SIRT6: variants seen among roughly 807,000 people sequenced by gnomAD.
SIRT6 encodes the protein NAD-dependent protein deacylase sirtuin-6.
SIRT6 carries 21 observed loss-of-function variants against 33.6 expected under a neutral mutation model. That is an observed-to-expected ratio of 0.62 (90% CI 0.44 to 0.90). SIRT6 has a LOEUF of 0.90. SIRT6 is among the 40% of genes least tolerant of loss of function. The pLI, the probability that SIRT6 is intolerant of heterozygous loss-of-function variation, is 0.00. For synonymous variants in SIRT6, 221 were observed against 223.9 expected (o/e 0.99, Z 0.12); for missense variants, 504 against 510.6 (o/e 0.99, Z 0.12).
At chr19:4,181,857 C>T (rs2145185903) in intron 1 of SIRT6, among the ~76,000 whole-genome samples, 1 of 152,212 alleles carries the variant, frequency 6.6e-6, no homozygotes, top group South Asian at 2.1e-4. Context: ...TCTGGACGGG[C>T]GCACACCATC....
intron 4 of SIRT6, 67 bp downstream of exon 4, chr19:4,177,012 G>A: frequency 1.4e-6 from 2 of 1,425,070 alleles, no homozygotes; most frequent in Non-Finnish European, 1.9e-6. Flanking sequence ...TGGGTCTCTG[G>A]GACATCGGAT....
rs757165657 is a variant in SIRT6, at chr19:4,175,841, C to T, written c.533+1G>A. Reference sequence around the variant, plus strand: ...CCAGGGCATGGGTGGGGGTGGCTCACCTGCAGGCTCGCAGCCCCCTTGCCT... The same window carrying T: ...CCAGGGCATGGGTGGGGGTGGCTCATCTGCAGGCTCGCAGCCCCCTTGCCT... On this transcript the variant is annotated splice_donor_variant, in intron 5 of 7. Transcript: ENST00000337491. LOFTEE classifies it high-confidence loss of function. The T allele has an allele frequency of 1.3e-6, 2 of 1,557,548 alleles. No individual in the cohort carries two copies. The highest frequency in any genetic ancestry group is 8.7e-7 in the Non-Finnish European group (1 of 1,150,710).
chr19:4,177,031 C>A (rs1339378347), intron 4 of SIRT6, 48 bp downstream of exon 4: 1 of 1,560,378 alleles, frequency 6.4e-7, no homozygotes, highest in South Asian at 1.1e-5. Context: ...ATTCGACCCC[C>A]AACCCCCTCT....
In SIRT6 at chr19:4,174,483, G is replaced by A. The variant is rs1253746175; in HGVS notation, c.*134C>T. On this transcript the variant is annotated 3_prime_UTR_variant, in exon 8 of 8. Coordinates refer to ENST00000337491, the MANE Select transcript of SIRT6 (RefSeq NM_016539.4). This position sits in a 1 kb window ranked among gnomAD's most constrained non-coding sequence, Gnocchi z 4.2. ...CAGGGAGGGACCACGGAGGGCAGGT[G>A]TAACCCCTGGCCTGGAGCACAGCTC... The A allele has an allele frequency of 2.4e-6, 2 of 839,814 alleles. No individual in the cohort carries two copies. The highest frequency in any genetic ancestry group is 7.4e-5 in the Admixed American group (2 of 27,200). 52.0% of individuals were successfully genotyped at this position (839,814 alleles called of 1,614,324 possible). A position where few individuals can be genotyped will look rare whatever the true frequency, so the allele number is the denominator to read the frequency against.
At position 4,175,934 on chromosome 19, in the gene SIRT6, C is replaced by T; in HGVS notation, c.441G>A (p.Gln147=). ...FVEECAKCKT[Q]YVRDTVVGTM... is the part of the protein sequence containing the mutation. ...TGCCCACGACTGTGTCTCGGACGTA[C>T]TGCCTGTGTCAGGGAGGAAGGGGGA... The change falls in exon 5 of 8, where the codon CAG becomes CAA. Residue 147 remains glutamine, a synonymous_variant. Transcript: ENST00000337491. 6.4e-7 allele frequency: 1 copy of T among 1,564,096 alleles called. No homozygotes were observed. The highest frequency in any genetic ancestry group is 8.7e-7 in the Non-Finnish European group (1 of 1,154,434).
At position 4,174,770 on chromosome 19, in the gene SIRT6, G is replaced by A. The variant is rs1337701097; in HGVS notation, c.915C>T (p.Thr305=). The stretch of plus-strand genomic sequence containing the variant: ...CGGCGGGGATAGAGCCGTTGATCCG[G>A]GTGGGAGATTCCTCCTTGGGCTCCA... The part of the protein sequence containing the change: ...PKLEPKEESP[T]RINGSIPAGP... The change falls in exon 8 of 8, where the codon ACC becomes ACT. Residue 305 remains threonine, a synonymous_variant. Coordinates refer to ENST00000337491, the MANE Select transcript of SIRT6 (RefSeq NM_016539.4). The surrounding 1 kb of genome is among the most constrained non-coding windows in gnomAD (Gnocchi z 4.2). 13 of 1,495,476 alleles carry A rather than the reference G, an allele frequency of 8.7e-6. No homozygotes were observed. Among genetic ancestry groups the A allele is most frequent in the Non-Finnish European group, 1.1e-5 (12 of 1,124,736 alleles). The allele number at this position is 1,495,476 out of a possible 1,614,324, so 92.6% of individuals were successfully genotyped here.
intron 1 of SIRT6, 45 bp from the exon 2 acceptor site, chr19:4,180,954 A>G (rs755513849): frequency 1.9e-6 from 3 of 1,557,034 alleles, no homozygotes; most frequent in Non-Finnish European, 2.6e-6. Flanking sequence ...CAGTTCCCCC[A>G]AGTGGCAAGG....
intron 4 of SIRT6, 43 bp downstream of exon 4, chr19:4,177,036 C>G (rs759765365): frequency 1.3e-6 from 2 of 1,576,082 alleles, no homozygotes; most frequent in Non-Finnish European, 1.7e-6. Flanking sequence ...ACCCCCAACC[C>G]CCTCTGGCAG....
intron 3 of SIRT6, among the ~76,000 whole-genome samples, chr19:4,178,425 C>T (rs950300479): frequency 1.3e-5 from 2 of 152,170 alleles, no homozygotes; most frequent in African/African-American, 2.4e-5. Flanking sequence ...TCATTGGTTG[C>T]CCCAGGGGTG....
chr19:4,177,464 G>A (rs893057424), intron 3 of SIRT6, among the ~76,000 whole-genome samples: 1 of 151,908 alleles, frequency 6.6e-6, no homozygotes. Context: ...GATGTCACCA[G>A]GTCAGAAGCA....
intron 3 of SIRT6, 138 bp downstream of exon 3, chr19:4,178,966 C>CA: frequency 8.7e-7 from 1 of 1,148,576 alleles, no homozygotes; most frequent in Non-Finnish European, 1.2e-6. Flanking sequence ...CCATGGGACT[C>CA]AGAGATCTCC....
chr19:4,175,040 C>T lies in SIRT6; in HGVS notation c.726G>A (p.Gln242=), dbSNP rs1420557635. ...CTCAGACACCTACGTGCTTGGTGGGCTGCAGGTTGACGATGACCAGGCGGC... is the reference window on the plus strand; with the variant it reads ...CTCAGACACCTACGTGCTTGGTGGGTTGCAGGTTGACGATGACCAGGCGGC... The part of the protein sequence containing the change: ...RGGRLVIVNL[Q]PTKHDRHADL... Residue 242 remains glutamine (Q), a synonymous_variant, in exon 7 of 8, where the codon CAG becomes CAA. Coordinates refer to ENST00000337491, the MANE Select transcript of SIRT6 (RefSeq NM_016539.4). 6.3e-7 allele frequency: 1 copy of T among 1,593,338 alleles called. No homozygotes were observed. Among genetic ancestry groups the T allele is most frequent in the Admixed American group, 1.7e-5 (1 of 57,330 alleles).
At chr19:4,181,550 G>T (rs1468558643) in intron 1 of SIRT6, among the ~76,000 whole-genome samples, 2 of 152,230 alleles carry the variant, frequency 1.3e-5, no homozygotes, top group Non-Finnish European at 2.9e-5. Context: ...ACTTTGGGAA[G>T]CCAAGGTGGG....
chr19:4,179,832 T>G (rs1333625296), intron 2 of SIRT6, among the ~76,000 whole-genome samples: 2 of 152,042 alleles, frequency 1.3e-5, no homozygotes, highest in African/African-American at 4.8e-5. Context: ...AGCAGTTTCT[T>G]GAAGGGTGAG....
At chr19:4,176,872 A>T (rs1331701675) in intron 4 of SIRT6, among the ~76,000 whole-genome samples, 1 of 138,776 alleles carries the variant, frequency 7.2e-6, no homozygotes, top group Non-Finnish European at 1.6e-5. Flanking sequence ...GCCCCCCCAA[A>T]TCCCTCCAGG....
intron 3 of SIRT6, among the ~76,000 whole-genome samples, chr19:4,178,034 T>TC: frequency 6.6e-6 from 1 of 151,324 alleles, no homozygotes; most frequent in East Asian, 1.9e-4. Context: ...TCCTTTGCTT[T>TC]TTTTTTTTTC....
At chr19:4,176,642 C>T (rs1435507327) in intron 4 of SIRT6, among the ~76,000 whole-genome samples, 1 of 152,122 alleles carries the variant, frequency 6.6e-6, no homozygotes, top group Non-Finnish European at 1.5e-5. Context: ...GGTCCAGGAC[C>T]ACCAAGGGTG....
chr19:4,181,653 G>C (rs1252408599), intron 1 of SIRT6, among the ~76,000 whole-genome samples: 1 of 152,172 alleles, frequency 6.6e-6, no homozygotes, highest in East Asian at 1.9e-4. Flanking sequence ...CAGGCGTGGT[G>C]GCAGGTGCCT....
At chr19:4,181,679 C>T (rs758173308) in intron 1 of SIRT6, among the ~76,000 whole-genome samples, 3 of 152,180 alleles carry the variant, frequency 2.0e-5, no homozygotes, top group Non-Finnish European at 4.4e-5. Flanking sequence ...CTCATCTACT[C>T]TACTCAGGAG....
Sources: allele counts gnomAD v4.1 joint callset (sites outside exome capture counted in the v4.1 genomes callset), GRCh38; gene constraint gnomAD v4.1.1; non-coding constraint Gnocchi (gnomAD v3.1); transcripts MANE v1.5; gene names NCBI Gene and HGNC (gene_info 2026-07-23, HGNC 2026-07-21).